WNK2: variants seen among roughly 807,000 people sequenced by gnomAD.
WNK2 encodes serine/threonine-protein kinase WNK2.
A neutral mutation model predicts 192.1 loss-of-function variants in WNK2; 67 were observed. The observed-to-expected ratio is 0.35, with a 90% confidence interval of 0.29 to 0.43. The LOEUF is 0.43. WNK2 is among the 20% of genes least tolerant of loss of function. WNK2 has a pLI of 1.00. For synonymous variants in WNK2, 1,439 were observed against 1,393.9 expected, an observed-to-expected ratio of 1.03 and a Z score of -0.72; for missense variants, 2,698 against 3,089.7, an observed-to-expected ratio of 0.87 and a Z score of 3.01.
intron 26 of WNK2, among the ~76,000 whole-genome samples, chr9:93,301,029 T>C (rs1411830515): frequency 2.6e-5 from 4 of 152,184 alleles, no homozygotes; most frequent in Non-Finnish European, 5.9e-5. Flanking sequence ...GTTCCTCCAA[T>C]TGCTACTAAG....
chr9:93,235,504 A>AT (rs1362357004), intron 5 of WNK2, among the ~76,000 whole-genome samples: 1 of 152,126 alleles, frequency 6.6e-6, no homozygotes, highest in African/African-American at 2.4e-5. Context: ...TGTCGCTGTG[A>AT]TTTTTTTCTT....
chr9:93,260,238 T>C (rs1046543809), intron 12 of WNK2, among the ~76,000 whole-genome samples: 130 of 152,174 alleles, frequency 8.5e-4, no homozygotes, highest in African/African-American at 3.1e-3. Flanking sequence ...CCCACAGGGA[T>C]CCACACCCCT....
chr9:93,250,195 C>G (rs1196431993), intron 8 of WNK2, among the ~76,000 whole-genome samples: 1 of 151,858 alleles, frequency 6.6e-6, no homozygotes, highest in Non-Finnish European at 1.5e-5. Context: ...TACATAGGCA[C>G]ATCTACACAT....
intron 23 of WNK2, among the ~76,000 whole-genome samples, chr9:93,295,740 C>T (rs13289160): frequency 7.2e-6 from 1 of 139,232 alleles, no homozygotes; most frequent in South Asian, 2.4e-4. Context: ...TCCTCCCCCA[C>T]CTTCCTCCCC....
chr9:93,269,100 A>G, intron 19 of WNK2: 1 of 736,222 alleles, frequency 1.4e-6, no homozygotes, highest in Non-Finnish European at 2.3e-6. Context: ...CCTGCAGCAG[A>G]CACGCCTCTG....
At chr9:93,253,208 C>A in intron 9 of WNK2, 126 bp downstream of exon 9, 1 of 870,222 alleles carries the variant, frequency 1.1e-6, no homozygotes, top group Non-Finnish European at 1.5e-6. Context: ...TTAAAAGTGG[C>A]CTGTGGTCAG....
intron 23 of WNK2, among the ~76,000 whole-genome samples, chr9:93,294,527 C>A (rs1849930908): frequency 6.6e-6 from 1 of 152,120 alleles, no homozygotes; most frequent in African/African-American, 2.4e-5. Context: ...TCCTGGGGAG[C>A]CAGTGGTCAG....
intron 8 of WNK2, among the ~76,000 whole-genome samples, chr9:93,251,445 G>A (rs774207876): frequency 1.3e-5 from 2 of 152,196 alleles, no homozygotes; most frequent in Non-Finnish European, 2.9e-5. Flanking sequence ...GTAAAATGTG[G>A]GCCGGGCATG....
intron 28 of WNK2, chr9:93,317,122 C>T: frequency 3.5e-6 from 1 of 289,748 alleles, no homozygotes; most frequent in Non-Finnish European, 6.5e-6. Context: ...GGCTCTGCTC[C>T]TGCCAGCTCC....
chr9:93,259,727 C>A lies in WNK2; in HGVS notation c.3066+113C>A. 1 of 1,055,646 alleles carries A rather than the reference C, an allele frequency of 9.5e-7. No homozygotes were observed. 65.4% of individuals were successfully genotyped at this position (1,055,646 alleles called of 1,614,324 possible). On this transcript the variant is annotated intron_variant, in intron 12 of 29. Coordinates refer to ENST00000427277, the MANE Select transcript of WNK2 (RefSeq NM_006648.4). This position sits in a 1 kb window ranked among gnomAD's most constrained non-coding sequence, Gnocchi z 4.8. Reference sequence around the variant, plus strand: ...GGAGGCAGCCCTGCCTGGGGTCGCCCCTCTCAGGAAGAGATGTGTGTGAGG... The same window carrying A: ...GGAGGCAGCCCTGCCTGGGGTCGCCACTCTCAGGAAGAGATGTGTGTGAGG...
intron 23 of WNK2, 149 bp downstream of exon 23, chr9:93,293,322 C>CT (rs374773480): frequency 0.033 from 13,832 of 421,520 alleles, 63 homozygotes; most frequent in South Asian, 0.045. Context: ...GTGATGAAGG[C>CT]TTTTTTTTTT....
intron 7 of WNK2, among the ~76,000 whole-genome samples, chr9:93,241,059 G>C (rs1840674171): frequency 6.6e-6 from 1 of 152,240 alleles, no homozygotes; most frequent in Admixed American, 6.5e-5. Context: ...TGGGCATTGG[G>C]CAGTGGACGC....
In WNK2 at chr9:93,260,091, G is replaced by T. The variant is rs958395298; in HGVS notation, c.3066+477G>T. Reference sequence around the variant, plus strand: ...GGGCTGGGGGCAGATGGCACTGCTGGCTGCAAGGGTGGTTATGGTGGGACC... The same window carrying T: ...GGGCTGGGGGCAGATGGCACTGCTGTCTGCAAGGGTGGTTATGGTGGGACC... On this transcript the variant is annotated intron_variant, in intron 12 of 29. Coordinates refer to ENST00000427277, the MANE Select transcript of WNK2 (RefSeq NM_006648.4). 3.9e-5 allele frequency among the ~76,000 whole-genome samples: 6 copies of T among 152,332 alleles called. No homozygotes were observed. The South Asian group carries it at 1.2e-3, about 32-fold the overall frequency.
intron 16 of WNK2, among the ~76,000 whole-genome samples, chr9:93,264,602 G>A (rs1207144481): frequency 2.0e-5 from 3 of 152,172 alleles, no homozygotes; most frequent in Non-Finnish European, 4.4e-5. Context: ...GATCGTTTTC[G>A]GGCCCTCAGA....
At chr9:93,306,843 C>T in intron 27 of WNK2, 22 bp downstream of exon 27, 1 of 1,614,052 alleles carries the variant, frequency 6.2e-7, no homozygotes, top group Admixed American at 1.7e-5. Flanking sequence ...GGTTTTTTCC[C>T]CTTTGTCCTC....
chr9:93,301,676 C>T (rs1451350315), intron 26 of WNK2, among the ~76,000 whole-genome samples: 2 of 152,218 alleles, frequency 1.3e-5, no homozygotes, highest in Non-Finnish European at 2.9e-5. Flanking sequence ...CCTTGTGCCT[C>T]ACTTGCTGCT....
intron 3 of WNK2, 111 bp from the exon 4 acceptor site, chr9:93,230,777 T>C: frequency 2.1e-6 from 2 of 965,370 alleles, no homozygotes; most frequent in Non-Finnish European, 3.1e-6. Context: ...GTATGTGCCG[T>C]GTGCACGGGA....
At chr9:93,269,078 CTG>C in intron 19 of WNK2, 1 of 828,286 alleles carries the variant, frequency 1.2e-6, no homozygotes, top group Non-Finnish European at 1.9e-6. Context: ...TCCCTTTCCT[CTG>C]TGCCGCACAC....
chr9:93,202,420 C>T (rs1299939971), intron 2 of WNK2, among the ~76,000 whole-genome samples: 1 of 151,458 alleles, frequency 6.6e-6, no homozygotes, highest in Non-Finnish European at 1.5e-5. Flanking sequence ...TCCGGCGCTT[C>T]CGTGGGAATG....
Sources: allele counts gnomAD v4.1 joint callset (sites outside exome capture counted in the v4.1 genomes callset), GRCh38; gene constraint gnomAD v4.1.1; non-coding constraint Gnocchi (gnomAD v3.1); transcripts MANE v1.5; gene names NCBI Gene and HGNC (gene_info 2026-07-23, HGNC 2026-07-21).